PCDH9: variants seen among roughly 807,000 people sequenced by gnomAD.
PCDH9 encodes protocadherin 9, also known as protocadherin-9.
A neutral mutation model predicts 70.6 loss-of-function variants in PCDH9; 24 were observed. The ratio of observed to expected loss-of-function variants is 0.34; its 90% confidence interval spans 0.25 to 0.48. The LOEUF (loss-of-function observed/expected upper bound fraction) is 0.48. Ranked by LOEUF, PCDH9 falls within the 20% of genes least tolerant of loss-of-function variation. PCDH9 has a pLI of 0.99. For missense variants in PCDH9, 1,281 were observed against 1,503.6 expected (o/e 0.85, Z 2.45); for synonymous variants, 562 against 558.5 (o/e 1.01, Z -0.09).
At chr13:66,817,671 C>A (rs902273400) in intron 3 of PCDH9, among the ~76,000 whole-genome samples, 1 of 151,584 alleles carries the variant, frequency 6.6e-6, no homozygotes, top group Non-Finnish European at 1.5e-5. Flanking sequence ...ACTTTGTCAC[C>A]CAGGCTGGAA....
Position 67,227,072 on chromosome 13 carries a change from C to A in PCDH9, c.1369G>T (p.Val457Phe). ...PSLNQTALVRVKLEDENDNPP... is the reference protein window; with the variant it reads ...PSLNQTALVRFKLEDENDNPP... The stretch of plus-strand genomic sequence containing the variant: ...TTGTCATTTTCATCCTCAAGCTTAA[C>A]CCTTACCAGGGCAGTCTGATTTAAA... Residue 457 changes from valine (V) to phenylalanine (F), a missense_variant, in exon 2 of 5, where the codon GTT (valine) becomes TTT (phenylalanine). Val to Phe is a conservative substitution (Grantham distance 50). Transcript: ENST00000377865. The surrounding 1 kb of genome is among the most constrained non-coding windows in gnomAD (Gnocchi z 4.6). The A allele has an allele frequency of 6.2e-7, 1 of 1,614,158 alleles. No homozygotes were observed. Among genetic ancestry groups the A allele is most frequent in the African/African-American group, 1.3e-5 (1 of 75,046 alleles).
At chr13:67,186,661 C>A (rs1238683382) in intron 2 of PCDH9, among the ~76,000 whole-genome samples, 2 of 152,060 alleles carry the variant, frequency 1.3e-5, no homozygotes, top group Admixed American at 6.5e-5. Flanking sequence ...TTATTTTCCA[C>A]TGGTAAAAAA....
chr13:66,719,949 C>T (rs1230633306), intron 3 of PCDH9, among the ~76,000 whole-genome samples: 1 of 152,036 alleles, frequency 6.6e-6, no homozygotes, highest in Non-Finnish European at 1.5e-5. Flanking sequence ...CGTGGCAGTT[C>T]CACAGAAGAA....
At chr13:66,354,060 C>A (rs1413494506) in intron 4 of PCDH9, among the ~76,000 whole-genome samples, 1 of 152,154 alleles carries the variant, frequency 6.6e-6, no homozygotes, top group African/African-American at 2.4e-5. Flanking sequence ...CAGCAAAACT[C>A]TTCCTTTTTT....
intron 3 of PCDH9, among the ~76,000 whole-genome samples, chr13:66,651,813 T>C (rs1030909601): frequency 6.6e-6 from 1 of 152,068 alleles, no homozygotes; most frequent in Non-Finnish European, 1.5e-5. Flanking sequence ...TAACTCATTA[T>C]GACCCAGTGA....
chr13:66,353,030 C>G (rs1397493135), intron 4 of PCDH9, among the ~76,000 whole-genome samples: 3 of 152,130 alleles, frequency 2.0e-5, no homozygotes, highest in African/African-American at 4.8e-5. Flanking sequence ...GGAGGGTAAT[C>G]CTCCATTTTT....
At chr13:66,594,217 G>C (rs2077073770) in intron 4 of PCDH9, among the ~76,000 whole-genome samples, 1 of 151,648 alleles carries the variant, frequency 6.6e-6, no homozygotes, top group Non-Finnish European at 1.5e-5. Context: ...CAGGAGAACA[G>C]TATTCTATTT....
chr13:66,923,355 A>T (rs958571645), intron 2 of PCDH9, among the ~76,000 whole-genome samples: 4 of 151,634 alleles, frequency 2.6e-5, no homozygotes, highest in African/African-American at 9.7e-5. Flanking sequence ...ATACATAATT[A>T]TATGTAAACC....
chr13:66,995,661 T>C (rs1311339498), intron 2 of PCDH9, among the ~76,000 whole-genome samples: 1 of 152,224 alleles, frequency 6.6e-6, no homozygotes, highest in Non-Finnish European at 1.5e-5. Flanking sequence ...GAACATCTGT[T>C]ATAGTGTGTC....
In PCDH9 at chr13:66,483,855, G is replaced by T. The variant is rs1029354496; in HGVS notation, c.3340+147355C>A. Among the ~76,000 whole-genome samples the T allele has an allele frequency of 6.6e-5, 10 of 152,080 alleles. No individual in the cohort carries two copies. The South Asian group carries it at 1.7e-3, about 25-fold the overall frequency. On this transcript the variant is annotated intron_variant, in intron 4 of 4. Transcript: ENST00000377865. ...CCTTCCTGGGCCTATAAAAACTGGA[G>T]ACCCCTAGCGGGCAGATACAGAAAG...
At chr13:67,170,972 G>T (rs929992372) in intron 2 of PCDH9, among the ~76,000 whole-genome samples, 3 of 151,984 alleles carry the variant, frequency 2.0e-5, no homozygotes, top group Non-Finnish European at 2.9e-5. Flanking sequence ...TTAAAAAGTT[G>T]CATGAAATCA....
chr13:67,098,347 C>G (rs906911066), intron 2 of PCDH9, among the ~76,000 whole-genome samples: 1 of 152,082 alleles, frequency 6.6e-6, no homozygotes, highest in Non-Finnish European at 1.5e-5. Context: ...TGTTATACAT[C>G]TAGAATTAAA....
chr13:66,363,890 C>G (rs1027717380), intron 4 of PCDH9, among the ~76,000 whole-genome samples: 1 of 152,092 alleles, frequency 6.6e-6, no homozygotes, highest in South Asian at 2.1e-4. Context: ...TGTGATGGAT[C>G]GTGCCTGTAA....
intron 3 of PCDH9, among the ~76,000 whole-genome samples, chr13:66,817,923 CG>C (rs2139374193): frequency 6.6e-6 from 1 of 152,208 alleles, no homozygotes; most frequent in Admixed American, 6.6e-5. Context: ...CCACCACACC[CG>C]GTCTGATTTT....
chr13:66,876,790 T>G (rs961007374), intron 3 of PCDH9: 1 of 152,134 alleles, frequency 6.6e-6, no homozygotes, highest in Non-Finnish European at 1.5e-5. Context: ...GAAAATCTGA[T>G]AGTTTCACAA....
At chr13:66,828,392 A>G (rs1261375045) in intron 3 of PCDH9, among the ~76,000 whole-genome samples, 1 of 152,188 alleles carries the variant, frequency 6.6e-6, no homozygotes, top group Non-Finnish European at 1.5e-5. Context: ...ACTAATGACA[A>G]TATTACTGAC....
chr13:66,953,005 T>A (rs1367934717), intron 2 of PCDH9, among the ~76,000 whole-genome samples: 1 of 152,106 alleles, frequency 6.6e-6, no homozygotes, highest in Non-Finnish European at 1.5e-5. Flanking sequence ...TTCTCATACA[T>A]TTAACTTGTA....
intron 3 of PCDH9, among the ~76,000 whole-genome samples, chr13:66,812,307 A>G (rs2080523815): frequency 6.6e-6 from 1 of 152,204 alleles, no homozygotes; most frequent in Non-Finnish European, 1.5e-5. Context: ...AAATTGTATG[A>G]GAAATGGATA....
chr13:66,787,094 A>G (rs1198825881), intron 3 of PCDH9, among the ~76,000 whole-genome samples: 5 of 152,208 alleles, frequency 3.3e-5, no homozygotes. Flanking sequence ...TGGGAAGTAG[A>G]ATAAATTATG....
Sources: allele counts gnomAD v4.1 joint callset (sites outside exome capture counted in the v4.1 genomes callset), GRCh38; gene constraint gnomAD v4.1.1; non-coding constraint Gnocchi (gnomAD v3.1); transcripts MANE v1.5; gene names NCBI Gene and HGNC (gene_info 2026-07-23, HGNC 2026-07-21).